TBC1D32: variants seen among roughly 807,000 people sequenced by gnomAD.
TBC1D32 encodes TBC1 domain family member 32.
In TBC1D32, 151 loss-of-function variants were observed where a neutral mutation model predicts 170.3. That is an observed-to-expected ratio of 0.89 (90% confidence interval 0.78 to 1.01). The LOEUF (loss-of-function observed/expected upper bound fraction) is 1.01, where lower values mean the gene tolerates loss of function less well. Among genes scored for constraint, TBC1D32 ranks in the 50% least tolerant of loss-of-function variants. The probability of loss-of-function intolerance (pLI) is 0.00; values close to 1 mark genes in which losing one functional copy is unlikely to be tolerated. For missense variants in TBC1D32, 1,464 were observed against 1,457.1 expected, an observed-to-expected ratio of 1.00 and a Z score of -0.08; for synonymous variants, 498 against 488.0, an observed-to-expected ratio of 1.02 and a Z score of -0.27.
intron 22 of TBC1D32, chr6:121,170,502 G>T: frequency 6.2e-7 from 1 of 1,600,338 alleles, no homozygotes; most frequent in Non-Finnish European, 8.5e-7. Flanking sequence ...AGAGTGTCCA[G>T]ATCACAGCAT....
intron 3 of TBC1D32, among the ~76,000 whole-genome samples, chr6:121,315,889 T>C (rs1456606979): frequency 1.3e-5 from 2 of 152,154 alleles, no homozygotes; most frequent in Non-Finnish European, 2.9e-5. Context: ...CTCATATGTT[T>C]CTTCCCAAAA....
intron 24 of TBC1D32, among the ~76,000 whole-genome samples, chr6:121,147,534 G>T (rs1219477731): frequency 6.6e-6 from 1 of 152,042 alleles, no homozygotes; most frequent in African/African-American, 2.4e-5. Context: ...GATGGTATCT[G>T]TTGATTTGGT....
At chr6:121,197,247 G>C (rs963071887) in intron 22 of TBC1D32, among the ~76,000 whole-genome samples, 2 of 152,150 alleles carry the variant, frequency 1.3e-5, no homozygotes, top group Non-Finnish European at 2.9e-5. Flanking sequence ...TGTGATTAAG[G>C]TCAATGGGAA....
At chr6:121,123,091 T>C (rs1244555422) in intron 26 of TBC1D32, among the ~76,000 whole-genome samples, 1 of 152,076 alleles carries the variant, frequency 6.6e-6, no homozygotes, top group Non-Finnish European at 1.5e-5. Flanking sequence ...AAAAGGTTAT[T>C]ATGACAACTT....
chr6:121,100,570 G>A (rs897845716), intron 30 of TBC1D32, among the ~76,000 whole-genome samples: 2 of 152,004 alleles, frequency 1.3e-5, no homozygotes, highest in Non-Finnish European at 2.9e-5. Context: ...CAGAATCTCT[G>A]GGACACATTT....
At chr6:121,208,382 A>G (rs952839623) in intron 21 of TBC1D32, among the ~76,000 whole-genome samples, 2 of 152,094 alleles carry the variant, frequency 1.3e-5, no homozygotes, top group African/African-American at 4.8e-5. Context: ...TGGCAGCAGG[A>G]AGGAGAAGTG....
chr6:121,202,219 TG>T (rs1337768642), intron 22 of TBC1D32, among the ~76,000 whole-genome samples: 1 of 146,696 alleles, frequency 6.8e-6, no homozygotes, highest in African/African-American at 2.6e-5. Flanking sequence ...CTAGGATCCT[TG>T]GTCCTGGGTC....
chr6:121,277,379 T>A (rs1197729349), intron 15 of TBC1D32, among the ~76,000 whole-genome samples: 1 of 150,538 alleles, frequency 6.6e-6, no homozygotes, highest in Non-Finnish European at 1.5e-5. Context: ...TCCCAGCTAC[T>A]TGGGAGGTTG....
intron 24 of TBC1D32, among the ~76,000 whole-genome samples, chr6:121,147,195 C>G (rs75507059): frequency 6.6e-6 from 1 of 152,164 alleles, no homozygotes; most frequent in Non-Finnish European, 1.5e-5. Flanking sequence ...TGAATATGCA[C>G]CATATTCTCT....
At chr6:121,282,836 G>T (rs1431308853) in intron 13 of TBC1D32, among the ~76,000 whole-genome samples, 1 of 151,866 alleles carries the variant, frequency 6.6e-6, no homozygotes, top group Admixed American at 6.6e-5. Flanking sequence ...TGCTGTAAGA[G>T]TGTATAGTCA....
At chr6:121,247,355 C>T (rs1048728395) in intron 17 of TBC1D32, among the ~76,000 whole-genome samples, 6 of 151,392 alleles carry the variant, frequency 4.0e-5, no homozygotes, top group African/African-American at 1.2e-4. Context: ...TTGATATACA[C>T]CAAAATAGAA....
chr6:121,115,882 T>C (rs1342615013), intron 26 of TBC1D32: 2 of 152,212 alleles, frequency 1.3e-5, no homozygotes, highest in Non-Finnish European at 2.9e-5. Flanking sequence ...ACAAAGTCCA[T>C]TTCAGAATAG....
chr6:121,094,358 G>A (rs1169303496), intron 30 of TBC1D32, among the ~76,000 whole-genome samples: 2 of 151,754 alleles, frequency 1.3e-5, no homozygotes, highest in African/African-American at 2.4e-5. Flanking sequence ...GTAGAGACAG[G>A]GTTTCACCAT....
At chr6:121,177,309 A>G (rs779479704) in intron 22 of TBC1D32, among the ~76,000 whole-genome samples, 2 of 152,172 alleles carry the variant, frequency 1.3e-5, no homozygotes, top group East Asian at 1.9e-4. Context: ...ATGAGTTCTC[A>G]TGAGATCTGG....
intron 24 of TBC1D32, among the ~76,000 whole-genome samples, chr6:121,139,174 A>G (rs1252158687): frequency 6.6e-6 from 1 of 152,082 alleles, no homozygotes; most frequent in Non-Finnish European, 1.5e-5. Context: ...AAGAATTTTT[A>G]CTCATGCCTA....
In TBC1D32 at chr6:121,282,803, A is replaced by G. The variant is rs190270344; in HGVS notation, c.1465+1015T>C. Among the ~76,000 whole-genome samples the G allele has an allele frequency of 3.9e-5, 6 of 151,974 alleles. No homozygotes were observed. In the East Asian group the frequency reaches 1.2e-3, roughly 29 times the overall value. ...CAAGTATTTAGAACAAAGAAAGATG[A>G]TTTTAATCATAAAAGATGTCTATGC... On this transcript the variant is annotated intron_variant, in intron 13 of 31. Transcript: ENST00000398212.
chr6:121,097,901 T>C (rs1251136133), intron 30 of TBC1D32, among the ~76,000 whole-genome samples: 1 of 152,044 alleles, frequency 6.6e-6, no homozygotes, highest in Non-Finnish European at 1.5e-5. Flanking sequence ...TGTAGGGACA[T>C]GGATGAAGCT....
Position 121,303,625 on chromosome 6 carries a change from T to C in TBC1D32, c.1072A>G (p.Lys358Glu). 3.2e-6 allele frequency: 5 copies of C among 1,548,588 alleles called. No individual in the cohort carries two copies. Among genetic ancestry groups the C allele is most frequent in the Non-Finnish European group, 4.4e-6 (5 of 1,139,906 alleles). Reference sequence around the variant, plus strand: ...ATTCTATTTTTCCTTACCATCCACTTTTTGAACCACACAGCCTTGGTATCA... The same window carrying C: ...ATTCTATTTTTCCTTACCATCCACTCTTTGAACCACACAGCCTTGGTATCA... ...LVDTKAVWFK[K>E]WMHAHYSRTT... is the part of the protein sequence containing the mutation. The change falls in exon 9 of 32, where the codon AAG becomes GAG. Residue 358 changes from lysine (K) to glutamate (E), a missense_variant. By Grantham distance (56) the Lys-to-Glu change is moderately conservative (BLOSUM62 1). Coordinates refer to ENST00000398212, the MANE Select transcript of TBC1D32 (RefSeq NM_152730.6).
intron 31 of TBC1D32, among the ~76,000 whole-genome samples, chr6:121,081,684 T>C (rs752953681): frequency 2.6e-5 from 4 of 151,978 alleles, no homozygotes; most frequent in Non-Finnish European, 5.9e-5. Context: ...AGACAATGCA[T>C]ATCATATACT....
Sources: gnomAD v4.1 joint callset for allele counts (sites outside exome capture counted in the v4.1 genomes callset) on GRCh38, gnomAD v4.1.1 for gene constraint, MANE v1.5 for transcripts, NCBI Gene and HGNC (gene_info 2026-07-23, HGNC 2026-07-21) for gene names.